ANOS1: variants seen among roughly 807,000 people sequenced by gnomAD.
ANOS1 encodes the protein anosmin 1.
ANOS1 carries 6 observed loss-of-function variants against 59.0 expected under a neutral mutation model. That is an observed-to-expected ratio of 0.10 (90% CI 0.06 to 0.20). The LOEUF (loss-of-function observed/expected upper bound fraction) is 0.20, where lower values mean the gene tolerates loss of function less well. Among genes scored for constraint, ANOS1 ranks in the 10% least tolerant of loss-of-function variants. ANOS1 has a pLI of 1.00. For missense variants in ANOS1, 433 were observed against 542.3 expected (o/e 0.80, Z 2.00); for synonymous variants, 217 against 223.4 (o/e 0.97, Z 0.25).
intron 1 of ANOS1, among the ~76,000 whole-genome samples, chrX:8,729,526 T>G (rs888638821): frequency 1.6e-4 from 16 of 100,833 alleles, no homozygotes; most frequent in Admixed American, 1.6e-3. Context: ...GCCTCCTGAG[T>G]AGCTGGGACT....
chrX:8,635,002 T>C (rs1462306162), intron 2 of ANOS1, among the ~76,000 whole-genome samples: 2 of 111,475 alleles, frequency 1.8e-5, no homozygotes, highest in African/African-American at 3.3e-5. Flanking sequence ...AAACTGGTGG[T>C]TTAACCACAG....
intron 8 of ANOS1, among the ~76,000 whole-genome samples, chrX:8,554,562 T>C (rs866804292): frequency 1.0e-5 from 1 of 99,140 alleles, no homozygotes; most frequent in African/African-American, 3.7e-5. Flanking sequence ...TTTTTTTTTT[T>C]TTTTTTTTGT....
intron 2 of ANOS1, among the ~76,000 whole-genome samples, chrX:8,655,291 G>A (rs1931913791): frequency 9.0e-6 from 1 of 111,495 alleles, no homozygotes; most frequent in Non-Finnish European, 1.9e-5. Context: ...TAAGGAGCCT[G>A]CAACCTAGAT....
intron 8 of ANOS1, chrX:8,566,331 G>A (rs944645833): frequency 1.7e-6 from 1 of 577,297 alleles, no homozygotes; most frequent in Non-Finnish European, 2.1e-6. Context: ...ATGTATGTGT[G>A]TGTATATATG....
At chrX:8,727,161 A>G (rs1932927396) in intron 1 of ANOS1, among the ~76,000 whole-genome samples, 1 of 112,035 alleles carries the variant, frequency 8.9e-6, no homozygotes, top group Admixed American at 9.4e-5. Context: ...TGTAAGAGTC[A>G]ATAGCACACT....
At chrX:8,711,542 T>C (rs1341342616) in intron 1 of ANOS1, among the ~76,000 whole-genome samples, 1 of 112,674 alleles carries the variant, frequency 8.9e-6, no homozygotes, top group Non-Finnish European at 1.9e-5. Context: ...ATCACAGAGA[T>C]GTCTATGAAA....
At chrX:8,727,635 G>A (rs1192459530) in intron 1 of ANOS1, among the ~76,000 whole-genome samples, 2 of 112,204 alleles carry the variant, frequency 1.8e-5, no homozygotes, top group African/African-American at 6.5e-5. Context: ...CAATCCCCGG[G>A]TGCAGCAGCA....
Position 8,631,445 on chromosome X carries a change from A to C in ANOS1, c.256-7775T>G, listed in dbSNP as rs193171266. Among the ~76,000 whole-genome samples the C allele has an allele frequency of 2.4e-4, 27 of 112,298 alleles. No individual in the cohort carries two copies. The South Asian group carries it at 3.0e-3, about 12-fold the overall frequency. ...GCAAACGTCAAAGATACAGATAAAG[A>C]GGTACAGACAAAATTAAATTGGAGT... On this transcript the variant is annotated intron_variant, in intron 2 of 13. Transcript: ENST00000262648.
intron 1 of ANOS1, among the ~76,000 whole-genome samples, chrX:8,716,887 CCAGAGA>C (rs1932844630): frequency 9.0e-6 from 1 of 111,452 alleles, no homozygotes; most frequent in Admixed American, 9.5e-5. Flanking sequence ...AGATAGAGAC[CCAGAGA>C]CAGAGACAGA....
chrX:8,600,633 G>A (rs1191108741), intron 3 of ANOS1, among the ~76,000 whole-genome samples: 1 of 111,723 alleles, frequency 9.0e-6, no homozygotes, highest in Non-Finnish European at 1.9e-5. Context: ...TAACTCTCAA[G>A]GCTTTTATCT....
intron 1 of ANOS1, among the ~76,000 whole-genome samples, chrX:8,728,900 T>A (rs994393311): frequency 5.4e-5 from 6 of 111,627 alleles, no homozygotes; most frequent in African/African-American, 2.0e-4. Context: ...TTTGTGCAGG[T>A]GGGGCAGAAA....
intron 3 of ANOS1, among the ~76,000 whole-genome samples, chrX:8,598,594 C>T (rs1930784878): frequency 2.7e-5 from 3 of 110,962 alleles, no homozygotes; most frequent in African/African-American, 9.9e-5. Context: ...CCACCCAGCC[C>T]TATCCCTAAC....
chrX:8,635,508 A>G (rs1407218371), intron 2 of ANOS1, among the ~76,000 whole-genome samples: 1 of 111,710 alleles, frequency 9.0e-6, no homozygotes, highest in African/African-American at 3.3e-5. Flanking sequence ...GGAAGCTTAC[A>G]TCCTCACATG....
intron 3 of ANOS1, 118 bp downstream of exon 3, chrX:8,623,490 G>C (rs1030814678): frequency 3.6e-6 from 2 of 561,620 alleles, no homozygotes; most frequent in Non-Finnish European, 6.2e-6. Flanking sequence ...ACACACACCT[G>C]CAGTTAATGA....
chrX:8,539,551 T>C, intron 10 of ANOS1, 113 bp downstream of exon 10: 1 of 1,125,730 alleles, frequency 8.9e-7, no homozygotes, highest in South Asian at 1.9e-5. Flanking sequence ...CATCAAGTCA[T>C]TACTCCATAG....
chrX:8,675,551 A>G (rs772919851), intron 2 of ANOS1, among the ~76,000 whole-genome samples: 67 of 111,683 alleles, frequency 6.0e-4, no homozygotes, highest in African/African-American at 2.1e-3. Context: ...AACCACTGAT[A>G]CAATGCAATC....
intron 9 of ANOS1, among the ~76,000 whole-genome samples, chrX:8,540,363 C>A (rs1316815338): frequency 9.0e-6 from 1 of 111,390 alleles, no homozygotes; most frequent in African/African-American, 3.3e-5. Context: ...TCTCCCTTAA[C>A]CAAGCGCATC....
intron 3 of ANOS1, among the ~76,000 whole-genome samples, chrX:8,600,258 T>C (rs1223076111): frequency 8.9e-6 from 1 of 112,471 alleles, no homozygotes; most frequent in Non-Finnish European, 1.9e-5. Flanking sequence ...TGTTTCATAG[T>C]GACAATAATC....
At chrX:8,705,098 T>C (rs1465175083) in intron 1 of ANOS1, among the ~76,000 whole-genome samples, 1 of 111,867 alleles carries the variant, frequency 8.9e-6, no homozygotes, top group Non-Finnish European at 1.9e-5. Flanking sequence ...TTGGTATTTT[T>C]ACTTTAATTT....
Sources: allele counts gnomAD v4.1 joint callset (sites outside exome capture counted in the v4.1 genomes callset), GRCh38; gene constraint gnomAD v4.1.1; transcripts MANE v1.5; gene names NCBI Gene and HGNC (gene_info 2026-07-23, HGNC 2026-07-21).